Variants in ASZ1 observed in about 807,000 individuals in gnomAD.
ASZ1 encodes ankyrin repeat, SAM and basic leucine zipper domain-containing protein 1.
A neutral mutation model predicts 61.8 loss-of-function variants in ASZ1; 67 were observed. The observed-to-expected ratio is 1.08, with a 90% CI of 0.89 to 1.33. The LOEUF is 1.33. Ranked by LOEUF, ASZ1 falls within the 40% of genes most tolerant of loss-of-function variation. The pLI, the probability that ASZ1 is intolerant of heterozygous loss-of-function variation, is 0.00. For synonymous variants in ASZ1, 193 were observed against 192.7 expected (o/e 1.00, Z -0.01); for missense variants, 577 against 554.5 (o/e 1.04, Z -0.41).
intron 2 of ASZ1, among the ~76,000 whole-genome samples, chr7:117,425,693 A>G (rs1797190676): frequency 6.6e-6 from 1 of 152,078 alleles, no homozygotes; most frequent in African/African-American, 2.4e-5. Context: ...TTACATAAAG[A>G]AACTGATGCT....
At position 117,415,297 on chromosome 7, in the gene ASZ1, T is replaced by C. The variant is rs550554040; in HGVS notation, c.440+4866A>G. Among the ~76,000 whole-genome samples, 94 of 152,334 alleles carry C rather than the reference T, an allele frequency of 6.2e-4. 1 individual carries two copies. Among genetic ancestry groups the C allele is most frequent in the Admixed American group, 6.1e-3 (93 of 15,302 alleles). ...CTTTTGAATTGCACACTGTCCTGAATAGTGTGATGAGATTTTGTACTGTCT... is the reference window on the plus strand; with the variant it reads ...CTTTTGAATTGCACACTGTCCTGAACAGTGTGATGAGATTTTGTACTGTCT... On this transcript the variant is annotated intron_variant, in intron 4 of 12. Transcript: ENST00000284629.
At chr7:117,425,958 G>A (rs539477813) in intron 2 of ASZ1, among the ~76,000 whole-genome samples, 12 of 152,048 alleles carry the variant, frequency 7.9e-5, no homozygotes, top group Admixed American at 4.6e-4. Context: ...TGGTGCCACT[G>A]CACTCCAGCA....
intron 6 of ASZ1, among the ~76,000 whole-genome samples, chr7:117,384,183 A>G (rs577195817): frequency 6.6e-5 from 10 of 152,218 alleles, no homozygotes; most frequent in Admixed American, 2.6e-4. Flanking sequence ...GTTTATATTG[A>G]TAAAGTAATT....
intron 7 of ASZ1, 138 bp from the exon 8 acceptor site, chr7:117,382,282 T>C (rs1437451226): frequency 1.7e-5 from 10 of 602,710 alleles, no homozygotes; most frequent in Non-Finnish European, 2.9e-5. Flanking sequence ...ACCAGACCTA[T>C]GCTATATCAA....
At chr7:117,400,223 G>A (rs561448436) in intron 4 of ASZ1, among the ~76,000 whole-genome samples, 133 of 152,220 alleles carry the variant, frequency 8.7e-4, no homozygotes, top group African/African-American at 3.0e-3. Context: ...TATGATAAAG[G>A]AAATTTCGAC....
intron 10 of ASZ1, among the ~76,000 whole-genome samples, chr7:117,375,325 G>A (rs1190807761): frequency 1.3e-5 from 2 of 151,882 alleles, no homozygotes; most frequent in Non-Finnish European, 2.9e-5. Context: ...TATTTATTCT[G>A]GACCTTATAT....
intron 2 of ASZ1, among the ~76,000 whole-genome samples, chr7:117,423,662 A>T (rs1259098540): frequency 6.9e-6 from 1 of 144,176 alleles, no homozygotes; most frequent in Non-Finnish European, 1.5e-5. Flanking sequence ...TGGCTAGCAC[A>T]GTGAAACCCT....
intron 11 of ASZ1, 130 bp downstream of exon 11, chr7:117,368,482 C>T (rs542071322): frequency 3.3e-5 from 47 of 1,433,228 alleles, no homozygotes; most frequent in Non-Finnish European, 4.1e-5. Context: ...TTATTTAGAT[C>T]TTATGTGATT....
chr7:117,418,526 G>A (rs1482993590), intron 4 of ASZ1, among the ~76,000 whole-genome samples: 3 of 151,868 alleles, frequency 2.0e-5, no homozygotes, highest in South Asian at 2.1e-4. Flanking sequence ...GGTGGCGTGC[G>A]TCTCTAATCC....
intron 12 of ASZ1, 134 bp downstream of exon 12, chr7:117,367,218 T>C (rs902620871): frequency 2.2e-5 from 14 of 624,432 alleles, no homozygotes; most frequent in Middle Eastern, 2.8e-4. Flanking sequence ...TTTCTTCCTT[T>C]GGAAACTGTC....
At chr7:117,383,156 G>A in intron 6 of ASZ1, 46 bp from the exon 7 acceptor site, 1 of 1,446,944 alleles carries the variant, frequency 6.9e-7, no homozygotes, top group Non-Finnish European at 9.1e-7. Context: ...ATTGCATACT[G>A]TAACTTACAC....
At chr7:117,366,929 A>G (rs1290242946) in intron 12 of ASZ1, among the ~76,000 whole-genome samples, 2 of 152,224 alleles carry the variant, frequency 1.3e-5, no homozygotes, top group African/African-American at 4.8e-5. Flanking sequence ...GGTATAGCAT[A>G]ATTTATTAAG....
chr7:117,408,967 T>G (rs1314112281), intron 4 of ASZ1, among the ~76,000 whole-genome samples: 2 of 152,136 alleles, frequency 1.3e-5, no homozygotes, highest in Non-Finnish European at 2.9e-5. Context: ...GTGCATTTCA[T>G]TTTGTAAATT....
chr7:117,393,860 C>A (rs1400904142), intron 4 of ASZ1, among the ~76,000 whole-genome samples: 1 of 152,076 alleles, frequency 6.6e-6, no homozygotes, highest in Admixed American at 6.6e-5. Flanking sequence ...TCACTCCCAC[C>A]CACTCCATCT....
At chr7:117,412,476 C>A (rs1796915322) in intron 4 of ASZ1, among the ~76,000 whole-genome samples, 1 of 151,862 alleles carries the variant, frequency 6.6e-6, no homozygotes, top group African/African-American at 2.4e-5. Flanking sequence ...TTTTTATCTA[C>A]TAAACTGCTC....
intron 4 of ASZ1, among the ~76,000 whole-genome samples, chr7:117,411,933 T>C (rs1796897014): frequency 6.6e-6 from 1 of 151,692 alleles, no homozygotes; most frequent in African/African-American, 2.4e-5. Flanking sequence ...TGATAATGGT[T>C]CAATAAATTA....
chr7:117,426,861 T>C lies in ASZ1; in HGVS notation c.180A>G (p.Ser60=). 1 of 1,613,322 alleles carries C rather than the reference T, an allele frequency of 6.2e-7. No individual in the cohort carries two copies. The highest frequency in any genetic ancestry group is 8.5e-7 in the Non-Finnish European group (1 of 1,179,808). Residue 60 remains serine (S), a synonymous_variant, in exon 2 of 13, where the codon TCA becomes TCG. Coordinates refer to ENST00000284629, the MANE Select transcript of ASZ1 (RefSeq NM_130768.3). ...FKKAMTIGDV[S]LVQELLDSGI... ...CAGAATCTAGGAGCTCCTGGACCAA[T>C]GAAACATCTCCGATGGTCATTGCTT... is the stretch of plus-strand genomic sequence containing the variant.
intron 11 of ASZ1, chr7:117,368,374 C>G: frequency 1.7e-6 from 2 of 1,176,708 alleles, no homozygotes; most frequent in Non-Finnish European, 2.1e-6. Context: ...ATACACGGAT[C>G]AGTTTAATTT....
intron 1 of ASZ1, 96 bp from the exon 2 acceptor site, chr7:117,427,031 T>C: frequency 8.1e-7 from 1 of 1,240,518 alleles, no homozygotes; most frequent in Non-Finnish European, 1.1e-6. Flanking sequence ...CACAGGTTTT[T>C]TTTCTTGGCT....
Sources: allele counts gnomAD v4.1 joint callset (sites outside exome capture counted in the v4.1 genomes callset), GRCh38; gene constraint gnomAD v4.1.1; transcripts MANE v1.5; gene names NCBI Gene and HGNC (gene_info 2026-07-23, HGNC 2026-07-21).